Variants in TEAD1 observed in about 807,000 individuals in gnomAD.
The protein encoded by TEAD1 is TEA domain transcription factor 1.
In TEAD1, 9 loss-of-function variants were observed where a neutral mutation model predicts 54.9. That is an observed-to-expected ratio of 0.16 (90% CI 0.10 to 0.29). The LOEUF (loss-of-function observed/expected upper bound fraction) is 0.29. Among genes scored for constraint, TEAD1 ranks in the 10% least tolerant of loss-of-function variants. The pLI is 1.00. For synonymous variants in TEAD1, 200 were observed against 187.8 expected, an observed-to-expected ratio of 1.07 and a Z score of -0.53; for missense variants, 387 against 535.9, an observed-to-expected ratio of 0.72 and a Z score of 2.74.
intron 9 of TEAD1, among the ~76,000 whole-genome samples, chr11:12,884,820 G>T (rs1206663391): frequency 6.6e-6 from 1 of 152,130 alleles, no homozygotes; most frequent in South Asian, 2.1e-4. Context: ...TGATGGTGAG[G>T]GTTAAATCCG....
intron 3 of TEAD1, among the ~76,000 whole-genome samples, chr11:12,821,930 T>C (rs1386060314): frequency 6.7e-6 from 1 of 149,826 alleles, no homozygotes; most frequent in African/African-American, 2.4e-5. Context: ...CTTTCCTCTT[T>C]TCCTATACTC....
At chr11:12,753,354 T>C (rs993895308) in intron 2 of TEAD1, among the ~76,000 whole-genome samples, 4 of 152,206 alleles carry the variant, frequency 2.6e-5, no homozygotes, top group African/African-American at 9.6e-5. Context: ...CAAAGAGTTT[T>C]CCAGAATGAT....
intron 12 of TEAD1, among the ~76,000 whole-genome samples, chr11:12,936,165 C>T (rs1949095951): frequency 6.6e-6 from 1 of 152,142 alleles, no homozygotes. Flanking sequence ...TAGATTTGCT[C>T]TTAGAAAGTT....
chr11:12,744,446 A>C (rs1207117331), intron 2 of TEAD1, among the ~76,000 whole-genome samples: 1 of 152,226 alleles, frequency 6.6e-6, no homozygotes, highest in African/African-American at 2.4e-5. Flanking sequence ...TCACAGACAC[A>C]GAGAAGTTTT....
intron 4 of TEAD1, among the ~76,000 whole-genome samples, chr11:12,863,256 T>C (rs2093981806): frequency 6.6e-6 from 1 of 152,178 alleles, no homozygotes; most frequent in African/African-American, 2.4e-5. Context: ...TTCCCAGGAA[T>C]GCTACTTGTG....
intron 2 of TEAD1, among the ~76,000 whole-genome samples, chr11:12,756,203 GAGA>G (rs1437175024): frequency 3.9e-5 from 6 of 152,154 alleles, no homozygotes; most frequent in Non-Finnish European, 7.3e-5. Context: ...TTTTGAAAAC[GAGA>G]AGGAGTAATT....
intron 3 of TEAD1, among the ~76,000 whole-genome samples, chr11:12,770,798 C>T (rs1945297470): frequency 6.6e-6 from 1 of 152,128 alleles, no homozygotes; most frequent in Non-Finnish European, 1.5e-5. Flanking sequence ...AGTGGAGCAG[C>T]ACAAAGTGTG....
At chr11:12,894,438 A>C (rs1434221213) in intron 9 of TEAD1, among the ~76,000 whole-genome samples, 1 of 152,120 alleles carries the variant, frequency 6.6e-6, no homozygotes, top group Non-Finnish European at 1.5e-5. Flanking sequence ...TAAAAAAAAG[A>C]GAAAAAAGCC....
intron 10 of TEAD1, among the ~76,000 whole-genome samples, chr11:12,907,389 C>A (rs1247949884): frequency 2.6e-5 from 4 of 152,182 alleles, no homozygotes; most frequent in African/African-American, 9.7e-5. Context: ...ATTTTTCAGT[C>A]AACAGAGTAA....
At position 12,751,391 on chromosome 11, in the gene TEAD1, C is replaced by T. The variant is rs761700860; in HGVS notation, c.-54-12788C>T. On this transcript the variant is annotated intron_variant, in intron 2 of 12. Transcript: ENST00000527636. ...GACGCATAAACAAATCATTCCTATGCGGTGAGTGAGTTCAGTTCATTTGTA... is the reference window on the plus strand; with the variant it reads ...GACGCATAAACAAATCATTCCTATGTGGTGAGTGAGTTCAGTTCATTTGTA... Among the ~76,000 whole-genome samples the T allele has an allele frequency of 3.9e-5, 6 of 152,072 alleles. 1 individual carries two copies. The East Asian group carries it at 5.8e-4, about 15-fold the overall frequency.
intron 2 of TEAD1, among the ~76,000 whole-genome samples, chr11:12,758,405 G>GTTTT (rs1200374096): frequency 4.3e-4 from 37 of 85,744 alleles, no homozygotes; most frequent in African/African-American, 6.7e-4. Flanking sequence ...CGCCCAGCTA[G>GTTTT]TTTTTTTTTT....
chr11:12,933,382 C>T (rs989363462), intron 12 of TEAD1, among the ~76,000 whole-genome samples: 3 of 152,088 alleles, frequency 2.0e-5, no homozygotes, highest in Admixed American at 6.5e-5. Context: ...ATAAAATCAT[C>T]TAATTGATGA....
chr11:12,771,486 G>A (rs1945310413), intron 3 of TEAD1, among the ~76,000 whole-genome samples: 1 of 152,188 alleles, frequency 6.6e-6, no homozygotes, highest in Non-Finnish European at 1.5e-5. Context: ...GATGAGATTT[G>A]TGAAAAAGAA....
chr11:12,788,381 C>T (rs1945726251), intron 3 of TEAD1, among the ~76,000 whole-genome samples: 2 of 152,110 alleles, frequency 1.3e-5, no homozygotes, highest in African/African-American at 4.8e-5. Context: ...ATCCGCCCGC[C>T]TCGGCCTCCC....
At chr11:12,777,757 T>TTA (rs1945460805) in intron 3 of TEAD1, among the ~76,000 whole-genome samples, 1 of 152,216 alleles carries the variant, frequency 6.6e-6, no homozygotes, top group South Asian at 2.1e-4. Flanking sequence ...ATGATCCTGA[T>TTA]TATGAAAGAT....
chr11:12,764,153 A>G, intron 2 of TEAD1, 26 bp from the exon 3 acceptor site: 4 of 1,460,274 alleles, frequency 2.7e-6, no homozygotes, highest in Non-Finnish European at 1.9e-6. Context: ...CCACATCCTT[A>G]TACTGTTTTT....
At chr11:12,687,860 C>A (rs756033088) in intron 2 of TEAD1, among the ~76,000 whole-genome samples, 1 of 152,072 alleles carries the variant, frequency 6.6e-6, no homozygotes, top group Non-Finnish European at 1.5e-5. Context: ...TTATACTCAC[C>A]GTTGAGAGAG....
chr11:12,705,767 T>G (rs762889390), intron 2 of TEAD1, among the ~76,000 whole-genome samples: 5 of 152,228 alleles, frequency 3.3e-5, no homozygotes, highest in Non-Finnish European at 7.3e-5. Context: ...CCATGTTGTC[T>G]TTTTACTTTT....
At chr11:12,807,564 T>C (rs1248756875) in intron 3 of TEAD1, among the ~76,000 whole-genome samples, 3 of 152,166 alleles carry the variant, frequency 2.0e-5, no homozygotes, top group South Asian at 2.1e-4. Flanking sequence ...GGTATGAGGA[T>C]TGAAAAGTAT....
Sources: gnomAD v4.1 joint callset for allele counts (sites outside exome capture counted in the v4.1 genomes callset) on GRCh38, gnomAD v4.1.1 for gene constraint, MANE v1.5 for transcripts, NCBI Gene and HGNC (gene_info 2026-07-23, HGNC 2026-07-21) for gene names.